The following DCDC2 variants were observed in gnomAD, a reference collection of about 807,000 sequenced individuals.
DCDC2 encodes the protein doublecortin domain containing 2.
Under a neutral mutation model 50.2 loss-of-function variants are expected in DCDC2, and 40 were observed. The observed-to-expected ratio is 0.80, with a 90% CI of 0.62 to 1.04. The LOEUF (loss-of-function observed/expected upper bound fraction) is 1.04, where lower values mean the gene tolerates loss of function less well. Ranked by LOEUF, DCDC2 falls within the 50% of genes least tolerant of loss-of-function variation. The probability of loss-of-function intolerance (pLI) is 0.00; values close to 1 mark genes in which losing one functional copy is unlikely to be tolerated. For synonymous variants in DCDC2, 234 were observed against 210.6 expected, an observed-to-expected ratio of 1.11 and a Z score of -0.96; for missense variants, 570 against 581.9, an observed-to-expected ratio of 0.98 and a Z score of 0.21.
At chr6:24,370,948 T>C in the DCDC2 span, among the ~76,000 whole-genome samples, 1 of 152,034 alleles carries the variant, frequency 6.6e-6, no homozygotes, top group Middle Eastern at 3.4e-3. Flanking sequence ...CCCTACAAAC[T>C]GGAAGGTGAT....
the DCDC2 span, among the ~76,000 whole-genome samples, chr6:24,368,687 G>GAA: frequency 2.9e-3 from 431 of 148,308 alleles, no homozygotes; most frequent in African/African-American, 6.2e-3. Flanking sequence ...GGCTCAGACA[G>GAA]AAAAAAAAAA....
At chr6:24,221,004 C>A (rs1762108039) in intron 7 of DCDC2, among the ~76,000 whole-genome samples, 1 of 80,690 alleles carries the variant, frequency 1.2e-5, no homozygotes, top group Admixed American at 1.4e-4. Flanking sequence ...GAACAGCATG[C>A]AGGAACTGCC....
chr6:24,256,815 T>C (rs980127483), intron 7 of DCDC2, among the ~76,000 whole-genome samples: 5 of 152,326 alleles, frequency 3.3e-5, no homozygotes, highest in African/African-American at 1.2e-4. Context: ...TAATTTTACA[T>C]TATAAATTGA....
intron 8 of DCDC2, among the ~76,000 whole-genome samples, chr6:24,187,377 T>G (rs1761228185): frequency 6.6e-6 from 1 of 152,136 alleles, no homozygotes. Flanking sequence ...AGGATGCCCT[T>G]CCTTCCCCAT....
chr6:24,295,054 A>G (rs1345693657), intron 4 of DCDC2, among the ~76,000 whole-genome samples: 1 of 152,172 alleles, frequency 6.6e-6, no homozygotes, highest in African/African-American at 2.4e-5. Flanking sequence ...CTTGATGAAC[A>G]TCAATACAAA....
At chr6:24,196,291 T>C (rs1459203556) in intron 8 of DCDC2, among the ~76,000 whole-genome samples, 4 of 152,094 alleles carry the variant, frequency 2.6e-5, no homozygotes. Flanking sequence ...AGACAGCATT[T>C]AAGTCCCATT....
intron 8 of DCDC2, among the ~76,000 whole-genome samples, chr6:24,184,152 A>T (rs1455197469): frequency 6.6e-6 from 1 of 152,218 alleles, no homozygotes; most frequent in Non-Finnish European, 1.5e-5. Flanking sequence ...CTTGTCCCAA[A>T]GTCCTAGTAT....
At chr6:24,333,218 T>C (rs115811392) in intron 2 of DCDC2, among the ~76,000 whole-genome samples, 2 of 152,320 alleles carry the variant, frequency 1.3e-5, no homozygotes, top group Middle Eastern at 3.4e-3. Flanking sequence ...GTCCCTTCCA[T>C]TGCATTTTAT....
chr6:24,378,243 T>C, the DCDC2 span, among the ~76,000 whole-genome samples: 2 of 152,176 alleles, frequency 1.3e-5, no homozygotes, highest in African/African-American at 4.8e-5. Flanking sequence ...CCAGATCCAC[T>C]GGCTTCCATT....
At chr6:24,300,683 ATTT>A (rs1197887157) in intron 4 of DCDC2, among the ~76,000 whole-genome samples, 1 of 152,222 alleles carries the variant, frequency 6.6e-6, no homozygotes. Flanking sequence ...TTTGAGAACT[ATTT>A]TATCACGTGT....
At chr6:24,249,212 G>T (rs2113797585) in intron 7 of DCDC2, among the ~76,000 whole-genome samples, 1 of 152,272 alleles carries the variant, frequency 6.6e-6, no homozygotes. Flanking sequence ...AAAAGTTAAT[G>T]TGAGCTGATT....
intron 7 of DCDC2, among the ~76,000 whole-genome samples, chr6:24,237,053 C>G (rs186357725): frequency 1.1e-4 from 17 of 151,860 alleles, no homozygotes; most frequent in Admixed American, 3.3e-4. Context: ...AATAGACACT[C>G]ACCAAAACAA....
At chr6:24,290,300 CT>C (rs1438466301) in intron 5 of DCDC2, among the ~76,000 whole-genome samples, 1 of 152,008 alleles carries the variant, frequency 6.6e-6, no homozygotes, top group Non-Finnish European at 1.5e-5. Flanking sequence ...GCCCAGAGCT[CT>C]TCTTGAGTGA....
At chr6:24,206,369 TGAAG>T (rs1761718479) in intron 7 of DCDC2, among the ~76,000 whole-genome samples, 1 of 144,664 alleles carries the variant, frequency 6.9e-6, no homozygotes, top group Non-Finnish European at 1.5e-5. Context: ...GAGGAAGGAA[TGAAG>T]GAAAGAAGGA....
chr6:24,351,402 T>C lies in DCDC2; in HGVS notation c.348+2167A>G, dbSNP rs148552276. Among the ~76,000 whole-genome samples, 378 of 152,276 alleles carry C rather than the reference T, an allele frequency of 2.5e-3. 4 individuals are homozygous for C. Among genetic ancestry groups the C allele is most frequent in the African/African-American group, 8.7e-3 (362 of 41,550 alleles). On this transcript the variant is annotated intron_variant, in intron 2 of 9. Transcript: ENST00000378454. The stretch of plus-strand genomic sequence containing the variant: ...AGCGAACAAGTGGGAAAGCTGGGCA[T>C]GAGTGAGTGGAAGATGCGGGAAAGA...
chr6:24,257,033 T>C (rs1472029615), intron 7 of DCDC2, among the ~76,000 whole-genome samples: 2 of 152,158 alleles, frequency 1.3e-5, no homozygotes, highest in Non-Finnish European at 2.9e-5. Context: ...ATTTCTTAAG[T>C]CAAATAAATG....
intron 2 of DCDC2, among the ~76,000 whole-genome samples, chr6:24,313,273 G>A (rs1759603788): frequency 6.6e-6 from 1 of 152,022 alleles, no homozygotes; most frequent in Admixed American, 6.6e-5. Context: ...TTTCCCTAAT[G>A]CTATGCTTAA....
rs1759855006 is a variant in DCDC2 at position 24,326,158 on chromosome 6, GAGGAAGGAAAGGAAGGA to G, written c.349-24131_349-24115del. On this transcript the variant is annotated intron_variant, in intron 2 of 9. Transcript: ENST00000378454. ...AAGAAGGAAAGAGAGGAAGGAAAGA[GAGGAAGGAAAGGAAGGA>G]AGGAAGGAAGGAAGGAAGAAAGGAA... Among the ~76,000 whole-genome samples the G allele has an allele frequency of 1.9e-5, 2 of 106,098 alleles. 1 individual carries two copies. Among genetic ancestry groups the G allele is most frequent in the Non-Finnish European group, 4.1e-5 (2 of 48,774 alleles). 69.6% of individuals were successfully genotyped at this position (106,098 alleles called of 152,430 possible).
At chr6:24,364,131 A>G in the DCDC2 span, among the ~76,000 whole-genome samples, 1 of 152,048 alleles carries the variant, frequency 6.6e-6, no homozygotes, top group Middle Eastern at 3.2e-3. Context: ...CCCTCTATAG[A>G]TCAAGTTCCA....
Sources: gnomAD v4.1 joint callset for allele counts (sites outside exome capture counted in the v4.1 genomes callset) on GRCh38, gnomAD v4.1.1 for gene constraint, MANE v1.5 for transcripts, NCBI Gene and HGNC (gene_info 2026-07-23, HGNC 2026-07-21) for gene names.